The following TBC1D13 variants were observed in gnomAD, a reference collection of about 807,000 sequenced individuals.
TBC1D13 encodes TBC1 domain family member 13, also known as epididymis secretory sperm binding protein.
TBC1D13 carries 40 observed loss-of-function variants against 53.6 expected under a neutral mutation model. That is an observed-to-expected ratio of 0.75 (90% confidence interval 0.58 to 0.97). The LOEUF (loss-of-function observed/expected upper bound fraction) is 0.97. TBC1D13 is among the 50% of genes least tolerant of loss of function. The pLI, the probability that TBC1D13 is intolerant of heterozygous loss-of-function variation, is 0.00. For synonymous variants in TBC1D13, 182 were observed against 197.7 expected (o/e 0.92, Z 0.67); for missense variants, 377 against 499.4 (o/e 0.75, Z 2.34).
intron 6 of TBC1D13, among the ~76,000 whole-genome samples, chr9:128,796,264 T>G (rs571093294): frequency 6.6e-6 from 1 of 152,174 alleles, no homozygotes; most frequent in Non-Finnish European, 1.5e-5. Context: ...TTTTTTTTTT[T>G]TTGAGACGGA....
chr9:128,799,007 C>T (rs555596090), intron 7 of TBC1D13, among the ~76,000 whole-genome samples: 1 of 152,220 alleles, frequency 6.6e-6, no homozygotes, highest in African/African-American at 2.4e-5. Context: ...AGCCACCACA[C>T]CCAGCTGGAA....
chr9:128,791,067 C>T (rs1286413117), intron 3 of TBC1D13, among the ~76,000 whole-genome samples: 1 of 152,196 alleles, frequency 6.6e-6, no homozygotes, highest in Non-Finnish European at 1.5e-5. Flanking sequence ...TTGCCCAAAG[C>T]TCCCAGCTCA....
intron 11 of TBC1D13, among the ~76,000 whole-genome samples, chr9:128,806,788 C>A (rs1829842595): frequency 6.6e-6 from 1 of 152,084 alleles, no homozygotes. Context: ...ACTAAAAATA[C>A]AAAAATTAGC....
Position 128,806,012 on chromosome 9 carries a change from A to T in TBC1D13, c.1072A>T (p.Met358Leu), listed in dbSNP as rs1385000729. ...CTTCCTCCTCCTCGTCTGCTGCGCC[A>T]TGCTCATGTGAGTGCGGGCATGAGC... ...FDFLLLVCCAMLMLIREQLLE... is the reference protein window; with the variant it reads ...FDFLLLVCCALLMLIREQLLE... Residue 358 changes from methionine (M) to leucine (L), a missense_variant, in exon 10 of 12, where the codon ATG (methionine) becomes TTG (leucine). By Grantham distance (15) the Met-to-Leu change is conservative (BLOSUM62 2). Coordinates refer to ENST00000372648, the MANE Select transcript of TBC1D13 (RefSeq NM_018201.5). The T allele has an allele frequency of 1.9e-6, 3 of 1,613,830 alleles. No homozygotes were observed. Among genetic ancestry groups the T allele is most frequent in the Non-Finnish European group, 2.5e-6 (3 of 1,179,964 alleles).
intron 7 of TBC1D13, among the ~76,000 whole-genome samples, chr9:128,798,084 C>T (rs544603763): frequency 5.9e-5 from 9 of 152,040 alleles, no homozygotes; most frequent in African/African-American, 2.2e-4. Context: ...GAAACCTTGT[C>T]TCTACTAAAA....
rs752925599 is a variant in TBC1D13 at position 128,797,251 on chromosome 9, A to G, written c.543+37A>G. 8 of 1,607,158 alleles carry G rather than the reference A, an allele frequency of 5.0e-6. No homozygotes were observed. In the East Asian group the frequency reaches 8.9e-5, roughly 18 times the overall value. On this transcript the variant is annotated intron_variant, in intron 7 of 11. Coordinates refer to ENST00000372648, the MANE Select transcript of TBC1D13 (RefSeq NM_018201.5). ...CCTGGGGTCCCCAGGGACTCCCCCA[A>G]CAGTATTTTCTTTCCTTTTTCTCTT...
At position 128,808,499 on chromosome 9, in the gene TBC1D13, T is replaced by G. The variant is rs537123357; in HGVS notation, c.*620T>G. ...TCAGGCCTCCAGGTCTCCCAGCCCC[T>G]CCTTCTCTGTCTCTACCTCTCTGCC... On this transcript the variant is annotated 3_prime_UTR_variant, in exon 12 of 12. Coordinates refer to ENST00000372648, the MANE Select transcript of TBC1D13 (RefSeq NM_018201.5). The G allele has an allele frequency of 6.3e-6, 1 of 159,908 alleles. No homozygotes were observed. The highest frequency in any genetic ancestry group is 2.0e-4 in the East Asian group (1 of 5,126). 9.9% of individuals were successfully genotyped at this position (159,908 alleles called of 1,614,324 possible).
rs752124834 is a variant in TBC1D13, at chr9:128,791,561, T to C, written c.201-33T>C. 3.8e-5 allele frequency: 62 copies of C among 1,612,032 alleles called. No homozygotes were observed. The South Asian group carries it at 6.6e-4, about 17-fold the overall frequency. ...GCTCTGGGCTCCCTGGGCAGGACCG[T>C]TGGGAATCATCCTTCTCACTTGTCT... On this transcript the variant is annotated intron_variant, in intron 4 of 11. Transcript: ENST00000372648.
intron 7 of TBC1D13, among the ~76,000 whole-genome samples, chr9:128,797,682 A>G (rs990000999): frequency 6.6e-6 from 1 of 152,176 alleles, no homozygotes; most frequent in African/African-American, 2.4e-5. Flanking sequence ...ATGTGCCTGT[A>G]GTCCCAGCTA....
chr9:128,798,528 G>A (rs892774368), intron 7 of TBC1D13, among the ~76,000 whole-genome samples: 5 of 152,174 alleles, frequency 3.3e-5, no homozygotes, highest in Non-Finnish European at 7.3e-5. Flanking sequence ...AGGAGTGGCG[G>A]TAGAGAGGCT....
At chr9:128,805,804 A>T (rs1304019543) in intron 9 of TBC1D13, 55 bp from the exon 10 acceptor site, 6 of 1,579,648 alleles carry the variant, frequency 3.8e-6, no homozygotes, top group Admixed American at 3.4e-5. Context: ...GTGGTGCTCC[A>T]TGGCCGGCAG....
At chr9:128,800,007 C>A (rs997090739) in intron 7 of TBC1D13, among the ~76,000 whole-genome samples, 13 of 152,156 alleles carry the variant, frequency 8.5e-5, no homozygotes, top group African/African-American at 2.9e-4. Flanking sequence ...GGCGACAGAG[C>A]GAGACTCCGT....
chr9:128,799,091 G>A (rs776340663), intron 7 of TBC1D13, among the ~76,000 whole-genome samples: 2 of 152,198 alleles, frequency 1.3e-5, no homozygotes, highest in East Asian at 3.9e-4. Context: ...TACGAGAGTT[G>A]GGTGCCCAGC....
intron 8 of TBC1D13, among the ~76,000 whole-genome samples, chr9:128,803,697 T>G (rs566015064): frequency 7.9e-5 from 12 of 152,242 alleles, no homozygotes; most frequent in Non-Finnish European, 1.6e-4. Flanking sequence ...TTATAAGATT[T>G]AAATAATGAT....
chr9:128,805,043 A>G (rs1829807901), intron 9 of TBC1D13, among the ~76,000 whole-genome samples: 1 of 152,082 alleles, frequency 6.6e-6, no homozygotes, highest in Non-Finnish European at 1.5e-5. Context: ...AGGAATAATG[A>G]TATCTTTTTA....
chr9:128,789,331 A>AAAAC (rs1352282165), intron 2 of TBC1D13, among the ~76,000 whole-genome samples: 2 of 151,480 alleles, frequency 1.3e-5, no homozygotes, highest in African/African-American at 4.9e-5. Flanking sequence ...AAAAAAAAAA[A>AAAAC]AAAAAGAACT....
Position 128,791,274 on chromosome 9 carries a change from T to C in TBC1D13, c.139-106T>C, listed in dbSNP as rs1033917069. Reference sequence around the variant, plus strand: ...TCCTGGATTTTAGCCCATCTTGTCTTCTTGGGACTTTATGAGATGTTTTTC... The same window carrying C: ...TCCTGGATTTTAGCCCATCTTGTCTCCTTGGGACTTTATGAGATGTTTTTC... On this transcript the variant is annotated intron_variant, in intron 3 of 11. Coordinates refer to ENST00000372648, the MANE Select transcript of TBC1D13 (RefSeq NM_018201.5). 2.7e-5 allele frequency: 30 copies of C among 1,104,344 alleles called. No homozygotes were observed. The African/African-American group carries it at 3.4e-4, about 12-fold the overall frequency. 68.4% of individuals were successfully genotyped at this position (1,104,344 alleles called of 1,614,324 possible).
intron 7 of TBC1D13, among the ~76,000 whole-genome samples, chr9:128,799,038 G>A (rs572046623): frequency 6.6e-6 from 1 of 152,178 alleles, no homozygotes; most frequent in Non-Finnish European, 1.5e-5. Flanking sequence ...TCGAAGCTCT[G>A]ACAGGCAGGG....
chr9:128,802,905 T>G (rs935648877), intron 7 of TBC1D13, among the ~76,000 whole-genome samples: 1 of 152,004 alleles, frequency 6.6e-6, no homozygotes, highest in African/African-American at 2.4e-5. Context: ...CGGCTAACAT[T>G]TACATTTTTT....
Sources: allele counts gnomAD v4.1 joint callset (sites outside exome capture counted in the v4.1 genomes callset), GRCh38; gene constraint gnomAD v4.1.1; transcripts MANE v1.5; gene names NCBI Gene and HGNC (gene_info 2026-07-23, HGNC 2026-07-21).